The following ZNF34 variants were observed in gnomAD, a reference collection of about 807,000 sequenced individuals.
The protein encoded by ZNF34 is zinc finger protein 34.
Under a neutral mutation model 14.4 loss-of-function variants are expected in ZNF34, and 8 were observed. The ratio of observed to expected loss-of-function variants is 0.55; its 90% CI spans 0.33 to 1.00. ZNF34 has a LOEUF of 1.00. Among genes scored for constraint, ZNF34 ranks in the 50% least tolerant of loss-of-function variants. ZNF34 has a pLI of 0.03. For missense variants in ZNF34, 538 were observed against 674.2 expected, an observed-to-expected ratio of 0.80 and a Z score of 2.24; for synonymous variants, 235 against 247.9, an observed-to-expected ratio of 0.95 and a Z score of 0.49.
At chr8:144,786,554 A>C (rs1403044721) in intron 1 of ZNF34, among the ~76,000 whole-genome samples, 1 of 151,678 alleles carries the variant, frequency 6.6e-6, no homozygotes, top group African/African-American at 2.4e-5. Flanking sequence ...GAATCCCTTG[A>C]ACTCGGGAGG....
At chr8:144,786,495 ATGG>A (rs1428018398) in intron 1 of ZNF34, among the ~76,000 whole-genome samples, 1 of 151,126 alleles carries the variant, frequency 6.6e-6, no homozygotes, top group Non-Finnish European at 1.5e-5. Context: ...TTAGCTGGGC[ATGG>A]TGGCGGGCGC....
At chr8:144,784,227 C>T (rs1167223818) in intron 1 of ZNF34, among the ~76,000 whole-genome samples, 1 of 150,390 alleles carries the variant, frequency 6.6e-6, no homozygotes, top group Non-Finnish European at 1.5e-5. Context: ...CAAGGGTGTG[C>T]CCTACTAGAT....
intron 1 of ZNF34, among the ~76,000 whole-genome samples, chr8:144,782,760 C>T (rs1276313965): frequency 7.0e-6 from 1 of 142,636 alleles, no homozygotes; most frequent in African/African-American, 2.7e-5. Context: ...TCGCTTGAGC[C>T]CAGGAGGCAG....
At position 144,773,822 on chromosome 8, in the gene ZNF34, G is replaced by A; in HGVS notation, c.1064C>T (p.Ser355Leu). ...NDCGKAFSDGSILIRHRRTHT... is the reference protein window; with the variant it reads ...NDCGKAFSDGLILIRHRRTHT... Reference sequence around the variant, plus strand: ...AGTCCGACGATGTCGGATAAGGATTGAGCCATCACTGAAGGCTTTCCCGCA... The same window carrying A: ...AGTCCGACGATGTCGGATAAGGATTAAGCCATCACTGAAGGCTTTCCCGCA... Residue 355 changes from serine to leucine, a missense_variant, in exon 6 of 6, where the codon TCA (serine) becomes TTA (leucine). Ser to Leu is a moderately radical substitution (Grantham distance 145). This residue lies in a region of ZNF34 where 431 missense variants were observed against 525.7 expected (regional missense o/e 0.82). Coordinates refer to ENST00000429371, the MANE Select transcript of ZNF34 (RefSeq NM_001286769.2). The surrounding 1 kb of genome is among the most constrained non-coding windows in gnomAD (Gnocchi z 5.4). 6.2e-7 allele frequency: 1 copy of A among 1,614,118 alleles called. No homozygotes were observed. Among genetic ancestry groups the A allele is most frequent in the Non-Finnish European group, 8.5e-7 (1 of 1,180,006 alleles).
intron 1 of ZNF34, among the ~76,000 whole-genome samples, chr8:144,783,039 C>T (rs190891963): frequency 6.6e-6 from 1 of 151,032 alleles, no homozygotes; most frequent in East Asian, 2.0e-4. Context: ...TTGGCTCATG[C>T]CTGTAATCCC....
chr8:144,781,923 C>T (rs1399681658), intron 1 of ZNF34, among the ~76,000 whole-genome samples: 1 of 152,174 alleles, frequency 6.6e-6, no homozygotes, highest in Non-Finnish European at 1.5e-5. Context: ...CTGTGGCTCA[C>T]GTCTATAATC....
Position 144,773,804 on chromosome 8 carries a change from C to T in ZNF34, c.1082G>A (p.Arg361His), listed in dbSNP as rs1182869924. 1.7e-5 allele frequency: 28 copies of T among 1,613,882 alleles called. No homozygotes were observed. The highest frequency in any genetic ancestry group is 2.2e-5 in the East Asian group (1 of 44,894). The change falls in exon 6 of 6, where the codon CGT (arginine) becomes CAT (histidine). Residue 361 changes from arginine to histidine, a missense_variant. This residue lies in a region of ZNF34 where 431 missense variants were observed against 525.7 expected (regional missense o/e 0.82). Transcript: ENST00000429371. This position sits in a 1 kb window ranked among gnomAD's most constrained non-coding sequence, Gnocchi z 5.4. ...FSDGSILIRH[R>H]RTHTGEKPFE... ...TGGCTTCTCTCCGGTGTGAGTCCGA[C>T]GATGTCGGATAAGGATTGAGCCATC...
chr8:144,780,744 G>A (rs1325036905), intron 1 of ZNF34, among the ~76,000 whole-genome samples: 6 of 152,018 alleles, frequency 3.9e-5, no homozygotes, highest in African/African-American at 1.2e-4. Context: ...AGCCGAGATC[G>A]CGCCATCGCA....
At chr8:144,778,573 TC>T (rs1825678098) in intron 2 of ZNF34, 48 bp from the exon 3 acceptor site, 1 of 1,438,836 alleles carries the variant, frequency 7.0e-7, no homozygotes, top group South Asian at 1.4e-5. Context: ...GGCCCCTTCT[TC>T]CACAGCTCAG....
At chr8:144,784,385 T>TTGGAAAA (rs535584089) in intron 1 of ZNF34, among the ~76,000 whole-genome samples, 30 of 150,998 alleles carry the variant, frequency 2.0e-4, no homozygotes, top group South Asian at 1.0e-3. Flanking sequence ...TGGTTTTCCA[T>TTGGAAAA]TGGAAAATAA....
At position 144,774,503 on chromosome 8, in the gene ZNF34, C is replaced by T; in HGVS notation, c.383G>A (p.Ser128Asn). Residue 128 changes from serine to asparagine, a missense_variant, in exon 6 of 6, where the codon AGT becomes AAT. Transcript: ENST00000429371. ...SEPVEACDHI[S>N]KSEGSLEKLV... is the part of the protein sequence containing the mutation. ...CTTTTCCAGGCTCCCCTCTGACTTACTGATGTGGTCACAGGCTTCTACTGG... is the reference window on the plus strand; with the variant it reads ...CTTTTCCAGGCTCCCCTCTGACTTATTGATGTGGTCACAGGCTTCTACTGG... 1 of 1,614,028 alleles carries T rather than the reference C, an allele frequency of 6.2e-7. No homozygotes were observed.
Position 144,777,955 on chromosome 8 carries a change from G to A in ZNF34, c.160+83C>T. 6.4e-7 allele frequency: 1 copy of A among 1,566,524 alleles called. No homozygotes were observed. The highest frequency in any genetic ancestry group is 1.9e-5 in the Admixed American group (1 of 52,790). On this transcript the variant is annotated intron_variant, in intron 4 of 5. Coordinates refer to ENST00000429371, the MANE Select transcript of ZNF34 (RefSeq NM_001286769.2). The surrounding 1 kb of genome is among the most constrained non-coding windows in gnomAD (Gnocchi z 4.8). ...AAGGTCATCACCTATCTGTGCCCAGGGGGTGAGGCCCCTAGCCCAGCCTCT... is the reference window on the plus strand; with the variant it reads ...AAGGTCATCACCTATCTGTGCCCAGAGGGTGAGGCCCCTAGCCCAGCCTCT...
At chr8:144,774,642 T>C (rs1382525117) in intron 5 of ZNF34, 37 bp from the exon 6 acceptor site, 2 of 1,569,294 alleles carry the variant, frequency 1.3e-6, no homozygotes, top group Non-Finnish European at 1.7e-6. Context: ...GGTCACCTGC[T>C]CTGACTCTGG....
chr8:144,776,103 G>A (rs549036630), intron 5 of ZNF34, among the ~76,000 whole-genome samples: 13 of 151,972 alleles, frequency 8.6e-5, no homozygotes, highest in African/African-American at 2.9e-4. Flanking sequence ...CACAAGGTCA[G>A]GAGCTTGAGA....
rs969740600 is a variant in ZNF34, at chr8:144,780,260, C to T, written c.-87G>A. On this transcript the variant is annotated 5_prime_UTR_variant, in exon 2 of 6. It removes an upstream start codon present in the reference 5' UTR. Coordinates refer to ENST00000429371, the MANE Select transcript of ZNF34 (RefSeq NM_001286769.2). ...AAGCATGAGACTCTCGGATTAGATA[C>T]ATGTGATGCAACTATTTGGCCTAAA... 1 of 1,550,244 alleles carries T rather than the reference C, an allele frequency of 6.5e-7. No homozygotes were observed. The highest frequency in any genetic ancestry group is 8.7e-7 in the Non-Finnish European group (1 of 1,145,956).
In ZNF34 at chr8:144,774,448, G is replaced by C; in HGVS notation, c.438C>G (p.Val146=). ...TGCTGCTCTCCCCGTTGGTCAGTGT[G>C]ACTGCCCTGGGGCCTCTCTGCTCCA... The part of the protein sequence containing the change: ...KLVEQRGPRA[V]TLTNGESSRE... Residue 146 remains valine, a synonymous_variant, in exon 6 of 6, where the codon GTC becomes GTG. Transcript: ENST00000429371. The C allele has an allele frequency of 6.2e-7, 1 of 1,613,938 alleles. No individual in the cohort carries two copies. Among genetic ancestry groups the C allele is most frequent in the Non-Finnish European group, 8.5e-7 (1 of 1,179,880 alleles).
In ZNF34 at chr8:144,774,136, C is replaced by A; in HGVS notation, c.750G>T (p.Arg250=). 6.2e-7 allele frequency: 1 copy of A among 1,614,088 alleles called. No individual in the cohort carries two copies. Among genetic ancestry groups the A allele is most frequent in the Admixed American group, 1.7e-5 (1 of 60,008 alleles). The change falls in exon 6 of 6, where the codon CGG becomes CGT. Residue 250 remains arginine (R), a synonymous_variant. Transcript: ENST00000429371. The part of the protein sequence containing the change: ...RYSANLVKHQ[R]LHTEEKPYKC... ...TGTAGGGCTTCTCTTCAGTGTGAAG[C>A]CGCTGATGCTTGACAAGGTTGGCAC... is the stretch of plus-strand genomic sequence containing the variant.
rs1038528419 is a variant in ZNF34, at chr8:144,774,250, A to G, written c.636T>C (p.Ser212=). The G allele has an allele frequency of 1.9e-6, 3 of 1,613,868 alleles. No individual in the cohort carries two copies. The Admixed American group carries it at 5.0e-5, about 27-fold the overall frequency. ...GATCTTCTTTAACAACTAAGTTTGC[A>G]CTGAAGATTTCCCCAGAGTTACGAA... ...NTVRNSGEIF[S]ANLVVKEDQK... is the part of the protein sequence containing the mutation. Residue 212 remains serine (S), a synonymous_variant, in exon 6 of 6, where the codon AGT becomes AGC. Coordinates refer to ENST00000429371, the MANE Select transcript of ZNF34 (RefSeq NM_001286769.2).
At chr8:144,786,684 AAG>A (rs779408076) in intron 1 of ZNF34, among the ~76,000 whole-genome samples, 25 of 152,026 alleles carry the variant, frequency 1.6e-4, no homozygotes, top group Non-Finnish European at 3.1e-4. Flanking sequence ...AAAGAAAAGA[AAG>A]AAAAAATAAA....
Sources: allele counts gnomAD v4.1 joint callset (sites outside exome capture counted in the v4.1 genomes callset), GRCh38; gene constraint gnomAD v4.1.1; regional missense constraint gnomAD v4.1.1; non-coding constraint Gnocchi (gnomAD v3.1); transcripts MANE v1.5; gene names NCBI Gene and HGNC (gene_info 2026-07-23, HGNC 2026-07-21).